The following SCAF11 variants were observed in gnomAD, a reference collection of about 807,000 sequenced individuals.
The protein encoded by SCAF11 is SR-related CTD associated factor 11.
A neutral mutation model predicts 140.5 loss-of-function variants in SCAF11; 47 were observed. The ratio of observed to expected loss-of-function variants is 0.33; its 90% CI spans 0.26 to 0.43. SCAF11 has a LOEUF of 0.43. Among genes scored for constraint, SCAF11 ranks in the 20% least tolerant of loss-of-function variants. SCAF11 has a pLI of 1.00. For synonymous variants in SCAF11, 557 were observed against 579.4 expected, an observed-to-expected ratio of 0.96 and a Z score of 0.55; for missense variants, 1,645 against 1,705.1, an observed-to-expected ratio of 0.96 and a Z score of 0.62.
chr12:45,989,981 C>CG (rs1031589478), intron 1 of SCAF11, among the ~76,000 whole-genome samples: 12 of 151,896 alleles, frequency 7.9e-5, no homozygotes, highest in African/African-American at 2.2e-4. Flanking sequence ...CCCTTCCCCC[C>CG]CCCCCGTAGG....
Position 45,948,669 on chromosome 12 carries a change from C to T in SCAF11, c.298-132G>A, listed in dbSNP as rs1945481140. On this transcript the variant is annotated intron_variant, in intron 4 of 14. Coordinates refer to ENST00000369367, the MANE Select transcript of SCAF11 (RefSeq NM_004719.3). ...AAAAAGTGTAGTCCAAATACATATG[C>T]TTATTCATTCAAGCATGCTAAACCA... 12 of 607,676 alleles carry T rather than the reference C, an allele frequency of 2.0e-5. No individual in the cohort carries two copies. In the Admixed American group the frequency reaches 3.0e-4, roughly 15 times the overall value. 37.6% of individuals were successfully genotyped at this position (607,676 alleles called of 1,614,324 possible). A position where few individuals can be genotyped will look rare whatever the true frequency, so the allele number is the denominator to read the frequency against.
At chr12:45,970,236 T>G (rs1946043041) in intron 1 of SCAF11, among the ~76,000 whole-genome samples, 1 of 152,130 alleles carries the variant, frequency 6.6e-6, no homozygotes, top group South Asian at 2.1e-4. Flanking sequence ...CTCACTCTGT[T>G]GCCCAGGCTG....
At chr12:45,954,569 C>CT (rs36060348) in intron 3 of SCAF11, among the ~76,000 whole-genome samples, 663 of 129,148 alleles carry the variant, frequency 5.1e-3, no homozygotes, top group Non-Finnish European at 6.2e-3. Flanking sequence ...TAAGCTGTTA[C>CT]TTTTTTTTTT....
intron 3 of SCAF11, chr12:45,953,953 C>A: frequency 1.7e-6 from 1 of 602,438 alleles, no homozygotes; most frequent in Non-Finnish European, 2.3e-6. Flanking sequence ...CAAAAGACAA[C>A]CACAATATGA....
At chr12:45,932,878 G>C (rs1012622395) in intron 9 of SCAF11, among the ~76,000 whole-genome samples, 1 of 152,030 alleles carries the variant, frequency 6.6e-6, no homozygotes, top group African/African-American at 2.4e-5. Flanking sequence ...TAATATTCGG[G>C]TTCTCTCCCT....
intron 1 of SCAF11, chr12:45,975,044 T>C (rs1946203192): frequency 6.6e-6 from 1 of 151,994 alleles, no homozygotes; most frequent in South Asian, 2.1e-4. Context: ...GCACTGTCAA[T>C]AAGTAAGTAC....
At chr12:45,966,130 AAT>A (rs1945940754) in intron 1 of SCAF11, among the ~76,000 whole-genome samples, 1 of 152,214 alleles carries the variant, frequency 6.6e-6, no homozygotes. Context: ...CATAATGATG[AAT>A]GTCCAGGGAA....
chr12:45,934,610 G>C, intron 6 of SCAF11, 105 bp from the exon 7 acceptor site: 2 of 627,902 alleles, frequency 3.2e-6, no homozygotes, highest in Non-Finnish European at 5.2e-6. Context: ...GAAATACGTA[G>C]AAAAGCTGTA....
chr12:45,938,736 G>A (rs958523295), intron 6 of SCAF11, among the ~76,000 whole-genome samples: 2 of 150,860 alleles, frequency 1.3e-5, no homozygotes, highest in Non-Finnish European at 2.9e-5. Context: ...TATAATAAAG[G>A]CTCTGAGCTT....
At chr12:45,945,679 G>A (rs957265062) in intron 5 of SCAF11, among the ~76,000 whole-genome samples, 1 of 151,720 alleles carries the variant, frequency 6.6e-6, no homozygotes, top group Non-Finnish European at 1.5e-5. Context: ...TTGGACTACA[G>A]GCATGCACCA....
At chr12:45,932,359 G>GT (rs58184670) in intron 9 of SCAF11, among the ~76,000 whole-genome samples, 14,318 of 151,830 alleles carry the variant, frequency 0.094, 2,257 homozygotes, top group African/African-American at 0.32. Flanking sequence ...TCAATATAAG[G>GT]TAAGATTCTG....
chr12:45,928,870 T>TAA lies in SCAF11; in HGVS notation c.842-12_842-11insTT. 1.5e-6 allele frequency: 2 copies of TAA among 1,345,290 alleles called. No homozygotes were observed. The highest frequency in any genetic ancestry group is 1.9e-6 in the Non-Finnish European group (2 of 1,031,028). The allele number at this position is 1,345,290 out of a possible 1,614,324, so 83.3% of individuals were successfully genotyped here. ...CCTTGCAAGAAGTACCTAATAATAT[T>TAA]TAAAAAAAAAAAAAAAGTAAAAAAT... On this transcript the variant is annotated splice_polypyrimidine_tract_variant and intron_variant, in intron 10 of 14. Coordinates refer to ENST00000369367, the MANE Select transcript of SCAF11 (RefSeq NM_004719.3).
chr12:45,948,514 T>C lies in SCAF11; in HGVS notation c.321A>G (p.Arg107=). Residue 107 remains arginine (R), a synonymous_variant, in exon 5 of 15, where the codon AGA becomes AGG. Transcript: ENST00000369367. ...YVKVQVKKQL[R]ETKDKKNENS... Reference sequence around the variant, plus strand: ...TTTCATTTTTCTTGTCTTTTGTTTCTCTCAGCTGTTTTTTTACTTGAACCT... The same window carrying C: ...TTTCATTTTTCTTGTCTTTTGTTTCCCTCAGCTGTTTTTTTACTTGAACCT... 6.2e-7 allele frequency: 1 copy of C among 1,610,844 alleles called. No homozygotes were observed. The highest frequency in any genetic ancestry group is 8.5e-7 in the Non-Finnish European group (1 of 1,178,636).
At chr12:45,969,935 TC>T (rs753851043) in intron 1 of SCAF11, among the ~76,000 whole-genome samples, 2 of 152,164 alleles carry the variant, frequency 1.3e-5, no homozygotes, top group Non-Finnish European at 2.9e-5. Context: ...TCTCGCTCTG[TC>T]GCCCAGGCTG....
In SCAF11 at chr12:45,928,583, T is replaced by C; in HGVS notation, c.1118A>G (p.Lys373Arg). Residue 373 changes from lysine to arginine, a missense_variant, in exon 11 of 15, where the codon AAA becomes AGA. By Grantham distance (26) the Lys-to-Arg change is conservative (BLOSUM62 2). Around this residue, in one of 2 missense-constraint regions of SCAF11, gnomAD observed 1,582 missense variants for 1,609.2 expected, o/e 0.98. Transcript: ENST00000369367. The stretch of plus-strand genomic sequence containing the variant: ...TCTTCCTCTTCTTACAGACTTCCGT[T>C]TTGGAGCCTGTCTTGTTTGCTTTTC... The part of the protein sequence containing the change: ...ESEKQTRQAP[K>R]RKSVRRGRKP... 1.2e-6 allele frequency: 2 copies of C among 1,614,136 alleles called. No homozygotes were observed. Among genetic ancestry groups the C allele is most frequent in the Non-Finnish European group, 1.7e-6 (2 of 1,180,010 alleles).
chr12:45,964,467 A>G (rs1480286712), intron 1 of SCAF11, among the ~76,000 whole-genome samples: 1 of 152,124 alleles, frequency 6.6e-6, no homozygotes, highest in Non-Finnish European at 1.5e-5. Flanking sequence ...GGAGATCGAG[A>G]CCATCCTGGC....
Position 45,955,116 on chromosome 12 carries a change from G to A in SCAF11, c.220-3389C>T, listed in dbSNP as rs1196487213. 2 of 151,966 alleles carry A rather than the reference G, an allele frequency of 1.3e-5. 1 individual carries two copies. The highest frequency in any genetic ancestry group is 4.1e-4 in the South Asian group (2 of 4,822). 9.4% of individuals were successfully genotyped at this position (151,966 alleles called of 1,614,324 possible). ...AATGTAATTACCTAAAGATAATTTA[G>A]TTAACACCAAAAAATAAGTTAATTT... On this transcript the variant is annotated intron_variant, in intron 3 of 14. Coordinates refer to ENST00000369367, the MANE Select transcript of SCAF11 (RefSeq NM_004719.3).
rs1592160668 is a variant in SCAF11 at position 45,923,117 on chromosome 12, C to T, written c.3944G>A (p.Ser1315Asn). 3 of 1,614,106 alleles carry T rather than the reference C, an allele frequency of 1.9e-6. No individual in the cohort carries two copies. Among genetic ancestry groups the T allele is most frequent in the Non-Finnish European group, 1.7e-6 (2 of 1,180,022 alleles). ...PSSSHVSNNM[S>N]TPVLPAPTAA... ...TGTCGGAGCAGGCAAAACTGGTGTA[C>T]TCATGTTATTACTTACATGAGAAGA... Residue 1315 changes from serine (S) to asparagine (N), a missense_variant, in exon 13 of 15, where the codon AGT becomes AAT. Physicochemically the swap from Ser to Asn is conservative, Grantham distance 46. Transcript: ENST00000369367.
intron 6 of SCAF11, among the ~76,000 whole-genome samples, chr12:45,944,806 A>G (rs2136557832): frequency 6.6e-6 from 1 of 152,356 alleles, no homozygotes; most frequent in South Asian, 2.1e-4. Flanking sequence ...TAAAGTTTCA[A>G]ATTAGAAGTA....
Sources: allele counts gnomAD v4.1 joint callset (sites outside exome capture counted in the v4.1 genomes callset), GRCh38; gene constraint gnomAD v4.1.1; regional missense constraint gnomAD v4.1.1; transcripts MANE v1.5; gene names NCBI Gene and HGNC (gene_info 2026-07-23, HGNC 2026-07-21).